Variants in ASTN2 observed in about 807,000 individuals in gnomAD.
ASTN2 encodes astrotactin-2.
Under a neutral mutation model 139.8 loss-of-function variants are expected in ASTN2, and 54 were observed. The observed-to-expected ratio is 0.39, with a 90% confidence interval of 0.31 to 0.48. The LOEUF (loss-of-function observed/expected upper bound fraction) is 0.48, where lower values mean the gene tolerates loss of function less well. Among genes scored for constraint, ASTN2 ranks in the 20% least tolerant of loss-of-function variants. ASTN2 has a pLI of 0.95. For synonymous variants in ASTN2, 756 were observed against 719.5 expected (o/e 1.05, Z -0.81); for missense variants, 1,565 against 1,725.1 (o/e 0.91, Z 1.64).
At chr9:116,948,791 T>TTTTTTTGTTTTTTTTTTG (rs1835474100) in intron 10 of ASTN2, among the ~76,000 whole-genome samples, 4 of 116,732 alleles carry the variant, frequency 3.4e-5, no homozygotes, top group East Asian at 2.2e-4. Context: ...TGGTGTTTTT[T>TTTTTTTGTTTTTTTTTTG]TTTTTTTTTT....
At chr9:116,532,887 A>C (rs543280121) in intron 19 of ASTN2, among the ~76,000 whole-genome samples, 1 of 152,170 alleles carries the variant, frequency 6.6e-6, no homozygotes, top group Non-Finnish European at 1.5e-5. Context: ...AGTTTTTCCA[A>C]TTCTGTGAAG....
intron 1 of ASTN2, among the ~76,000 whole-genome samples, chr9:117,352,519 C>T (rs1327469601): frequency 2.6e-5 from 4 of 152,154 alleles, no homozygotes; most frequent in Non-Finnish European, 4.4e-5. Context: ...TGTTGAGCTT[C>T]CAATGCACAG....
intron 15 of ASTN2, among the ~76,000 whole-genome samples, chr9:116,728,263 T>C (rs1828685037): frequency 1.3e-5 from 2 of 152,120 alleles, no homozygotes; most frequent in South Asian, 2.1e-4. Context: ...AAGATTCCAA[T>C]ATAAATCAAG....
chr9:117,160,743 C>T (rs999405173), intron 3 of ASTN2, among the ~76,000 whole-genome samples: 1 of 151,960 alleles, frequency 6.6e-6, no homozygotes, highest in Non-Finnish European at 1.5e-5. Flanking sequence ...GCAAGGTGTG[C>T]AAACCCCAGC....
At chr9:117,106,540 A>G (rs768087582) in intron 4 of ASTN2, among the ~76,000 whole-genome samples, 4 of 152,102 alleles carry the variant, frequency 2.6e-5, no homozygotes, top group Non-Finnish European at 5.9e-5. Context: ...CATTCCTTAT[A>G]TGTTTAAAAA....
chr9:116,557,942 G>A (rs1852717711), intron 19 of ASTN2, among the ~76,000 whole-genome samples: 1 of 152,148 alleles, frequency 6.6e-6, no homozygotes, highest in South Asian at 2.1e-4. Flanking sequence ...GACTGTAATT[G>A]AATATACATT....
chr9:116,476,240 C>A (rs1016157819), intron 20 of ASTN2, among the ~76,000 whole-genome samples: 3 of 152,162 alleles, frequency 2.0e-5, no homozygotes, highest in Non-Finnish European at 4.4e-5. Flanking sequence ...CTTCTCAGAG[C>A]GGCATCAGTC....
chr9:116,926,064 C>T (rs1273966431), intron 10 of ASTN2, among the ~76,000 whole-genome samples: 1 of 152,096 alleles, frequency 6.6e-6, no homozygotes, highest in Non-Finnish European at 1.5e-5. Context: ...TATCATGCTC[C>T]ATCCAAACTG....
chr9:116,469,306 GT>G (rs150197612), intron 20 of ASTN2, among the ~76,000 whole-genome samples: 47 of 150,264 alleles, frequency 3.1e-4, no homozygotes, highest in African/African-American at 1.0e-3. Context: ...CTCTCAAGTG[GT>G]TTTTTTTTTC....
intron 1 of ASTN2, among the ~76,000 whole-genome samples, chr9:117,319,018 T>C (rs1035274354): frequency 2.0e-5 from 3 of 152,326 alleles, no homozygotes; most frequent in Admixed American, 6.5e-5. Flanking sequence ...AAATTGCTTC[T>C]TCTGAGGACT....
chr9:116,595,981 TG>T (rs1193286649), intron 19 of ASTN2, among the ~76,000 whole-genome samples: 4 of 152,220 alleles, frequency 2.6e-5, no homozygotes, highest in African/African-American at 9.6e-5. Context: ...TGTACCCCCG[TG>T]CTCACTGCAG....
intron 17 of ASTN2, among the ~76,000 whole-genome samples, chr9:116,628,693 A>G (rs1349638403): frequency 6.6e-6 from 1 of 152,196 alleles, no homozygotes; most frequent in Non-Finnish European, 1.5e-5. Context: ...AGAAAATACA[A>G]CATCAAAAGG....
At chr9:116,615,801 C>T (rs1161370173) in intron 19 of ASTN2, among the ~76,000 whole-genome samples, 2 of 151,830 alleles carry the variant, frequency 1.3e-5, no homozygotes, top group African/African-American at 4.8e-5. Context: ...GTACAGCACA[C>T]CAACATGGCA....
At chr9:116,485,193 T>A (rs934266454) in intron 20 of ASTN2, among the ~76,000 whole-genome samples, 4 of 152,308 alleles carry the variant, frequency 2.6e-5, no homozygotes, top group Admixed American at 2.0e-4. Context: ...TTGTCCATGA[T>A]CCCTTCAAGT....
chr9:116,978,626 T>A (rs1836424661), intron 7 of ASTN2, among the ~76,000 whole-genome samples: 1 of 152,158 alleles, frequency 6.6e-6, no homozygotes, highest in African/African-American at 2.4e-5. Context: ...AACAGAGATT[T>A]AGGGACTATG....
intron 10 of ASTN2, among the ~76,000 whole-genome samples, chr9:116,960,852 T>C (rs1224762418): frequency 6.6e-6 from 1 of 152,212 alleles, no homozygotes; most frequent in Non-Finnish European, 1.5e-5. Context: ...TTTACCTGAC[T>C]GGACCAGACA....
At chr9:116,873,381 T>C (rs1464306128) in intron 10 of ASTN2, among the ~76,000 whole-genome samples, 1 of 152,186 alleles carries the variant, frequency 6.6e-6, no homozygotes, top group Non-Finnish European at 1.5e-5. Flanking sequence ...GCCAGAGACA[T>C]TCAGCAAGGG....
intron 20 of ASTN2, among the ~76,000 whole-genome samples, chr9:116,448,631 G>A (rs988591421): frequency 3.9e-5 from 6 of 152,204 alleles, no homozygotes; most frequent in Non-Finnish European, 8.8e-5. Flanking sequence ...TACCTGGGCA[G>A]TAGCAAGAAG....
rs183941180 is a variant in ASTN2, at chr9:116,902,863, T to C, written c.1890-39130A>G. ...CCAGGAGTAAATGTTTTTTTACTTC[T>C]TTACTTTACAACTTTTTACTTCTTT... On this transcript the variant is annotated intron_variant, in intron 10 of 22. Coordinates refer to ENST00000313400, the MANE Select transcript of ASTN2 (RefSeq NM_001365068.1). Among the ~76,000 whole-genome samples the C allele has an allele frequency of 6.1e-3, 927 of 152,288 alleles. 3 individuals carry two copies. The highest frequency in any genetic ancestry group is 0.01 in the Non-Finnish European group (689 of 68,018).
Sources: gnomAD v4.1 joint callset for allele counts (sites outside exome capture counted in the v4.1 genomes callset) on GRCh38, gnomAD v4.1.1 for gene constraint, MANE v1.5 for transcripts, NCBI Gene and HGNC (gene_info 2026-07-23, HGNC 2026-07-21) for gene names.